The following COG5 variants were observed in gnomAD, a reference collection of about 807,000 sequenced individuals.
The protein encoded by COG5 is component of oligomeric golgi complex 5.
Under a neutral mutation model 110.4 loss-of-function variants are expected in COG5, and 86 were observed. The observed-to-expected ratio is 0.78, with a 90% confidence interval of 0.65 to 0.93. The LOEUF (loss-of-function observed/expected upper bound fraction) is 0.93, where lower values mean the gene tolerates loss of function less well. Among genes scored for constraint, COG5 ranks in the 40% least tolerant of loss-of-function variants. The pLI is 0.00. For missense variants in COG5, 1,077 were observed against 987.0 expected (o/e 1.09, Z -1.22); for synonymous variants, 360 against 334.6 (o/e 1.08, Z -0.83).
intron 1 of COG5, chr7:107,563,593 G>A: frequency 1.7e-6 from 1 of 579,934 alleles, no homozygotes; most frequent in Non-Finnish European, 3.2e-6. Flanking sequence ...GAAACCAAGT[G>A]TCCCCAAGAC....
At chr7:107,562,004 G>A (rs951941512) in intron 1 of COG5, among the ~76,000 whole-genome samples, 1 of 151,942 alleles carries the variant, frequency 6.6e-6, no homozygotes, top group Admixed American at 6.6e-5. Flanking sequence ...AAGAAAGAAA[G>A]GAGCAGAGGC....
intron 7 of COG5, among the ~76,000 whole-genome samples, chr7:107,394,370 A>T (rs1790838581): frequency 2.0e-5 from 3 of 152,108 alleles, no homozygotes; most frequent in Admixed American, 2.0e-4. Context: ...TACAAAACCA[A>T]AATATTTCCC....
intron 6 of COG5, among the ~76,000 whole-genome samples, chr7:107,446,557 C>T (rs1795016266): frequency 6.6e-6 from 1 of 152,142 alleles, no homozygotes; most frequent in East Asian, 1.9e-4. Context: ...CATAACGATA[C>T]ATCATATTAG....
chr7:107,376,609 T>C (rs1026344968), intron 7 of COG5, among the ~76,000 whole-genome samples: 1 of 152,066 alleles, frequency 6.6e-6, no homozygotes, highest in Non-Finnish European at 1.5e-5. Flanking sequence ...ATGGTATTTC[T>C]GAATAATTTT....
At chr7:107,461,954 G>C (rs545135803) in intron 6 of COG5, among the ~76,000 whole-genome samples, 1 of 152,170 alleles carries the variant, frequency 6.6e-6, no homozygotes, top group Admixed American at 6.5e-5. Context: ...AGGTGTGAAT[G>C]TTCCCTAACA....
intron 6 of COG5, among the ~76,000 whole-genome samples, chr7:107,522,940 G>A (rs1219663878): frequency 6.6e-6 from 1 of 152,094 alleles, no homozygotes. Flanking sequence ...CTTCAAATCA[G>A]GTAGGGTTAT....
chr7:107,249,331 T>A (rs1349140709), intron 16 of COG5, among the ~76,000 whole-genome samples: 4 of 151,998 alleles, frequency 2.6e-5, no homozygotes, highest in African/African-American at 2.4e-5. Context: ...CTGCTAAACA[T>A]CTTACGGAAT....
chr7:107,240,408 G>A (rs1801520421), intron 17 of COG5, among the ~76,000 whole-genome samples: 1 of 152,106 alleles, frequency 6.6e-6, no homozygotes, highest in South Asian at 2.1e-4. Flanking sequence ...TAGAGACAGG[G>A]TTTCACCATG....
At chr7:107,403,899 C>CTATTAT (rs113864164) in intron 7 of COG5, among the ~76,000 whole-genome samples, 53 of 151,228 alleles carry the variant, frequency 3.5e-4, no homozygotes, top group South Asian at 1.2e-3. Context: ...TTAGGTGACT[C>CTATTAT]TATTATTATT....
intron 7 of COG5, among the ~76,000 whole-genome samples, chr7:107,409,777 G>C (rs952821610): frequency 1.3e-5 from 2 of 152,148 alleles, no homozygotes; most frequent in East Asian, 1.9e-4. Context: ...AATGAACTTT[G>C]CATGAAGTCA....
chr7:107,241,362 TC>T (rs200567502), intron 17 of COG5, among the ~76,000 whole-genome samples: 2 of 150,706 alleles, frequency 1.3e-5, no homozygotes, highest in Non-Finnish European at 1.5e-5. Flanking sequence ...AGTTTTTTTT[TC>T]GGTAGAATTC....
intron 6 of COG5, among the ~76,000 whole-genome samples, chr7:107,478,490 G>T (rs1037638208): frequency 2.0e-5 from 3 of 151,630 alleles, no homozygotes; most frequent in African/African-American, 7.3e-5. Flanking sequence ...AATATTAAAT[G>T]GAAAATTCCA....
intron 14 of COG5, among the ~76,000 whole-genome samples, chr7:107,264,426 C>T (rs1297437441): frequency 2.0e-5 from 3 of 152,108 alleles, no homozygotes; most frequent in Non-Finnish European, 4.4e-5. Flanking sequence ...GCCACGGTGG[C>T]TCATACCTGT....
intron 5 of COG5, among the ~76,000 whole-genome samples, chr7:107,540,580 A>T (rs1373190405): frequency 6.6e-6 from 1 of 150,732 alleles, no homozygotes; most frequent in Non-Finnish European, 1.5e-5. Context: ...CCTGTCTCAA[A>T]AAATAAATAA....
At chr7:107,472,390 C>CA (rs1796689060) in intron 6 of COG5, 1 of 151,994 alleles carries the variant, frequency 6.6e-6, no homozygotes, top group Admixed American at 6.6e-5. Context: ...CATAAGGCAA[C>CA]AGCAAACAGG....
At chr7:107,478,806 T>A (rs532442463) in intron 6 of COG5, among the ~76,000 whole-genome samples, 1 of 152,018 alleles carries the variant, frequency 6.6e-6, no homozygotes, top group East Asian at 1.9e-4. Context: ...AGATTCCTCA[T>A]TGAACTGAAA....
At chr7:107,507,251 C>A (rs1799084674) in intron 6 of COG5, among the ~76,000 whole-genome samples, 1 of 151,764 alleles carries the variant, frequency 6.6e-6, no homozygotes, top group Non-Finnish European at 1.5e-5. Flanking sequence ...CCTTTCCTAT[C>A]AATGAACAAT....
intron 7 of COG5, among the ~76,000 whole-genome samples, chr7:107,395,818 G>C (rs111390132): frequency 0.15 from 23,366 of 152,082 alleles, 2,274 homozygotes; most frequent in Non-Finnish European, 0.22. Context: ...GCCTCCCAAA[G>C]TGCTAGGATT....
intron 6 of COG5, among the ~76,000 whole-genome samples, chr7:107,415,718 GTATA>G (rs1479883118): frequency 1.3e-5 from 2 of 149,160 alleles, no homozygotes; most frequent in South Asian, 4.2e-4. Flanking sequence ...GTGCATGAAT[GTATA>G]TATGTATATG....
Sources: allele counts gnomAD v4.1 joint callset (sites outside exome capture counted in the v4.1 genomes callset), GRCh38; gene constraint gnomAD v4.1.1; transcripts MANE v1.5; gene names NCBI Gene and HGNC (gene_info 2026-07-23, HGNC 2026-07-21).